Variants in LAMB1 observed in about 807,000 individuals in gnomAD.
The protein encoded by LAMB1 is laminin subunit beta-1.
LAMB1 carries 121 observed loss-of-function variants against 222.3 expected under a neutral mutation model. The ratio of observed to expected loss-of-function variants is 0.54; its 90% CI spans 0.47 to 0.63. The LOEUF (loss-of-function observed/expected upper bound fraction) is 0.63, where lower values mean the gene tolerates loss of function less well. Among genes scored for constraint, LAMB1 ranks in the 30% least tolerant of loss-of-function variants. The probability of loss-of-function intolerance (pLI) is 0.00; values close to 1 mark genes in which losing one functional copy is unlikely to be tolerated. For synonymous variants in LAMB1, 794 were observed against 807.2 expected (o/e 0.98, Z 0.28); for missense variants, 2,172 against 2,240.8 (o/e 0.97, Z 0.62).
chr7:107,978,485 GA>G (rs2033912791), intron 8 of LAMB1, among the ~76,000 whole-genome samples: 2 of 147,332 alleles, frequency 1.4e-5, no homozygotes, highest in Non-Finnish European at 1.5e-5. Flanking sequence ...AGTTACTTAA[GA>G]TTTTTTTAAG....
In LAMB1 at chr7:107,923,883, C is replaced by A; in HGVS notation, c.*68G>T. On this transcript the variant is annotated 3_prime_UTR_variant, in exon 34 of 34. Coordinates refer to ENST00000222399, the MANE Select transcript of LAMB1 (RefSeq NM_002291.3). ...ATAGGTGATGTTTTATTTTGAAGAG[C>A]ATTAAGTCAGTTTTTAAAATGTAGT... 7.3e-7 allele frequency: 1 copy of A among 1,371,188 alleles called. No individual in the cohort carries two copies. The highest frequency in any genetic ancestry group is 1.3e-5 in the South Asian group (1 of 78,320). The allele number at this position is 1,371,188 out of a possible 1,614,324, so 84.9% of individuals were successfully genotyped here.
intron 7 of LAMB1, among the ~76,000 whole-genome samples, chr7:107,982,957 A>T (rs1047892623): frequency 1.3e-5 from 2 of 152,234 alleles, no homozygotes; most frequent in Non-Finnish European, 2.9e-5. Flanking sequence ...CAAGTCCCAC[A>T]AATTTCACCT....
intron 7 of LAMB1, among the ~76,000 whole-genome samples, chr7:107,983,746 GACCT>G (rs2034019144): frequency 6.6e-6 from 1 of 151,880 alleles, no homozygotes; most frequent in African/African-American, 2.4e-5. Flanking sequence ...TCAAACTCCT[GACCT>G]CGTGATCCAC....
At chr7:107,990,374 G>C (rs1563007521) in intron 5 of LAMB1, among the ~76,000 whole-genome samples, 2 of 152,018 alleles carry the variant, frequency 1.3e-5, no homozygotes, top group Non-Finnish European at 2.9e-5. Context: ...TAGTAATATA[G>C]AAAAACATAC....
chr7:107,947,930 A>G (rs2033152922), intron 24 of LAMB1, among the ~76,000 whole-genome samples: 1 of 151,250 alleles, frequency 6.6e-6, no homozygotes, highest in African/African-American at 2.4e-5. Flanking sequence ...GAGAGACAGT[A>G]TCTACTTTAA....
chr7:108,000,713 T>C (rs1158583207), intron 3 of LAMB1, among the ~76,000 whole-genome samples: 2 of 151,616 alleles, frequency 1.3e-5, no homozygotes, highest in African/African-American at 4.8e-5. Flanking sequence ...CCAGCTAAGT[T>C]TTAAAAATTT....
chr7:107,973,273 A>G (rs542089291), intron 12 of LAMB1, among the ~76,000 whole-genome samples: 1 of 152,356 alleles, frequency 6.6e-6, no homozygotes, highest in East Asian at 1.9e-4. Flanking sequence ...GCCGTTCACA[A>G]TCACAGGATC....
intron 4 of LAMB1, among the ~76,000 whole-genome samples, chr7:107,997,971 G>C (rs1007037888): frequency 6.6e-6 from 1 of 151,916 alleles, no homozygotes; most frequent in African/African-American, 2.4e-5. Flanking sequence ...GAGGAGTGGG[G>C]GCTATGATTC....
rs1173141871 is a variant in LAMB1 at position 107,984,405 on chromosome 7, T to C, written c.676+1617A>G. On this transcript the variant is annotated intron_variant, in intron 7 of 33. Coordinates refer to ENST00000222399, the MANE Select transcript of LAMB1 (RefSeq NM_002291.3). Reference sequence around the variant, plus strand: ...CTGGGATTACAGGCATATGCCACCATGTCAGCTAATTTTTATATTTTTAGT... The same window carrying C: ...CTGGGATTACAGGCATATGCCACCACGTCAGCTAATTTTTATATTTTTAGT... 5.3e-5 allele frequency among the ~76,000 whole-genome samples: 8 copies of C among 152,270 alleles called. No homozygotes were observed. In the South Asian group the frequency reaches 1.5e-3, roughly 28 times the overall value.
chr7:107,951,985 T>A lies in LAMB1; in HGVS notation c.3294+24A>T, dbSNP rs766820720. On this transcript the variant is annotated intron_variant, in intron 23 of 33. Coordinates refer to ENST00000222399, the MANE Select transcript of LAMB1 (RefSeq NM_002291.3). ...GCTGACACCTGAGCTCATAAAGGCA[T>A]CATCCCCAGCAGCAGCCCCTCACCT... 34 of 1,587,398 alleles carry A rather than the reference T, an allele frequency of 2.1e-5. No individual in the cohort carries two copies. In the East Asian group the frequency reaches 7.7e-4, roughly 36 times the overall value.
chr7:107,979,939 G>A (rs1168481957), intron 8 of LAMB1, among the ~76,000 whole-genome samples: 1 of 152,148 alleles, frequency 6.6e-6, no homozygotes, highest in African/African-American at 2.4e-5. Flanking sequence ...CAGATACGGT[G>A]GCACATGCCT....
chr7:108,001,681 G>A lies in LAMB1; in HGVS notation c.90C>T (p.Cys30=). 1 of 1,612,248 alleles carries A rather than the reference G, an allele frequency of 6.2e-7. No homozygotes were observed. The highest frequency in any genetic ancestry group is 1.7e-4 in the Middle Eastern group (1 of 6,056). Residue 30 remains cysteine (C), a synonymous_variant, in exon 3 of 34, where the codon TGC becomes TGT. Transcript: ENST00000222399. ...TGGCGGGATAGCAGCTGCCTTCTGCGCAGCCGTAGCTGAACTCGGGTTCCT... is the reference window on the plus strand; with the variant it reads ...TGGCGGGATAGCAGCTGCCTTCTGCACAGCCGTAGCTGAACTCGGGTTCCT... The part of the protein sequence containing the change: ...RAQEPEFSYG[C]AEGSCYPATG...
intron 8 of LAMB1, among the ~76,000 whole-genome samples, 188 bp downstream of exon 8, chr7:107,980,421 C>G (rs1213836901): frequency 1.3e-5 from 2 of 152,182 alleles, no homozygotes; most frequent in East Asian, 1.9e-4. Context: ...TCTGTACATT[C>G]TCCGTGTCCA....
In LAMB1 at chr7:107,989,378, C is replaced by T. The variant is rs189928095; in HGVS notation, c.424-3015G>A. On this transcript the variant is annotated intron_variant, in intron 5 of 33. Transcript: ENST00000222399. The stretch of plus-strand genomic sequence containing the variant: ...ACACTTACTTCCGAATTAAAACCAA[C>T]GCTTGACAGAAATTTGGGTGAGGGT... Among the ~76,000 whole-genome samples the T allele has an allele frequency of 2.5e-3, 381 of 152,308 alleles. 2 individuals are homozygous for T. The highest frequency in any genetic ancestry group is 7.2e-3 in the African/African-American group (301 of 41,578).
Position 107,930,943 on chromosome 7 carries a change from A to G in LAMB1, c.4537+413T>C, listed in dbSNP as rs77244639. ...GCAGCCAAAACCATCTTTACTGGTA[A>G]CACTTGAACTGTGACTAGCAACACT... On this transcript the variant is annotated intron_variant, in intron 29 of 33. Coordinates refer to ENST00000222399, the MANE Select transcript of LAMB1 (RefSeq NM_002291.3). Among the ~76,000 whole-genome samples the G allele has an allele frequency of 1.0e-3, 159 of 152,314 alleles. No homozygotes were observed. In the East Asian group the frequency reaches 0.028, roughly 27 times the overall value.
At chr7:107,948,946 A>C (rs571989844) in intron 24 of LAMB1, among the ~76,000 whole-genome samples, 141 of 152,384 alleles carry the variant, frequency 9.3e-4, no homozygotes, top group Non-Finnish European at 1.5e-3. Context: ...GTAAAAAGGA[A>C]CAGACATATC....
At chr7:107,951,172 C>T in intron 24 of LAMB1, 54 bp downstream of exon 24, 1 of 1,340,710 alleles carries the variant, frequency 7.5e-7, no homozygotes, top group Non-Finnish European at 1.1e-6. Flanking sequence ...TCTTGTAGAA[C>T]CCCAGTTCCC....
At chr7:107,972,333 G>C (rs915266816) in intron 13 of LAMB1, among the ~76,000 whole-genome samples, 2 of 152,136 alleles carry the variant, frequency 1.3e-5, no homozygotes, top group Non-Finnish European at 1.5e-5. Context: ...CAAGGCCACA[G>C]GGAAACATCT....
At chr7:107,968,667 T>G (rs1001796481) in intron 13 of LAMB1, among the ~76,000 whole-genome samples, 13 of 152,278 alleles carry the variant, frequency 8.5e-5, no homozygotes, top group Admixed American at 5.2e-4. Context: ...TCAAGGAATG[T>G]GGGCAGCTCT....
Sources: allele counts gnomAD v4.1 joint callset (sites outside exome capture counted in the v4.1 genomes callset), GRCh38; gene constraint gnomAD v4.1.1; transcripts MANE v1.5; gene names NCBI Gene and HGNC (gene_info 2026-07-23, HGNC 2026-07-21).